Variants in LRRC7 observed in about 807,000 individuals in gnomAD.
LRRC7 encodes the protein leucine rich repeat containing 7, also known as leucine-rich repeat-containing protein 7.
A neutral mutation model predicts 175.7 loss-of-function variants in LRRC7; 23 were observed. The ratio of observed to expected loss-of-function variants is 0.13; its 90% CI spans 0.09 to 0.19. LRRC7 has a LOEUF of 0.19. LRRC7 is among the 10% of genes least tolerant of loss of function. The pLI is 1.00. For missense variants in LRRC7, 1,354 were observed against 1,904.7 expected, an observed-to-expected ratio of 0.71 and a Z score of 5.38; for synonymous variants, 685 against 680.9, an observed-to-expected ratio of 1.01 and a Z score of -0.09.
At chr1:70,079,551 A>T (rs1663061079) in intron 24 of LRRC7, among the ~76,000 whole-genome samples, 1 of 152,258 alleles carries the variant, frequency 6.6e-6, no homozygotes. Flanking sequence ...ACTTATTGAA[A>T]TACTACAGGT....
intron 11 of LRRC7, among the ~76,000 whole-genome samples, chr1:70,006,463 C>T (rs1433109405): frequency 6.7e-6 from 1 of 148,310 alleles, no homozygotes; most frequent in Non-Finnish European, 1.5e-5. Context: ...CAGAGCAAGA[C>T]TCAGTCTCAA....
intron 22 of LRRC7, among the ~76,000 whole-genome samples, chr1:70,052,657 C>A (rs972283120): frequency 2.6e-5 from 4 of 152,046 alleles, no homozygotes; most frequent in African/African-American, 9.7e-5. Flanking sequence ...GTTTCAATTT[C>A]TATTCTAAAT....
At chr1:69,655,506 C>T (rs1225818469) in intron 1 of LRRC7, among the ~76,000 whole-genome samples, 2 of 152,046 alleles carry the variant, frequency 1.3e-5, no homozygotes, top group African/African-American at 4.8e-5. Flanking sequence ...CAGAACCTGT[C>T]TTCTTTTTCC....
At chr1:69,588,698 C>A (rs951115227) in intron 1 of LRRC7, among the ~76,000 whole-genome samples, 12 of 151,980 alleles carry the variant, frequency 7.9e-5, no homozygotes, top group Admixed American at 6.6e-4. Flanking sequence ...TCATAAGAAT[C>A]AAATGAGATA....
chr1:69,728,666 C>G (rs1667238123), intron 2 of LRRC7, among the ~76,000 whole-genome samples: 1 of 152,102 alleles, frequency 6.6e-6, no homozygotes, highest in Admixed American at 6.6e-5. Flanking sequence ...GAAATTGGAT[C>G]AACTTTTCCT....
intron 7 of LRRC7, among the ~76,000 whole-genome samples, chr1:69,881,138 A>G (rs1464175965): frequency 6.6e-6 from 1 of 152,204 alleles, no homozygotes; most frequent in African/African-American, 2.4e-5. Context: ...GCTCTTTGAA[A>G]GCGGGACTAT....
chr1:69,726,979 A>T (rs1180833573), intron 2 of LRRC7, among the ~76,000 whole-genome samples: 4 of 152,136 alleles, frequency 2.6e-5, no homozygotes, highest in African/African-American at 9.7e-5. Flanking sequence ...TGTGTGCAGG[A>T]GAATTATTGG....
intron 4 of LRRC7, among the ~76,000 whole-genome samples, chr1:69,800,168 G>A (rs1297771059): frequency 6.6e-6 from 1 of 152,002 alleles, no homozygotes; most frequent in Non-Finnish European, 1.5e-5. Context: ...TTGGGGGTCA[G>A]GTAATTTGAT....
intron 3 of LRRC7, among the ~76,000 whole-genome samples, chr1:69,775,804 G>A (rs1490060411): frequency 6.6e-6 from 1 of 152,172 alleles, no homozygotes; most frequent in Non-Finnish European, 1.5e-5. Context: ...CATATTTACT[G>A]TATTCTGTTG....
intron 2 of LRRC7, among the ~76,000 whole-genome samples, chr1:69,722,263 CTAATTT>C (rs1206776426): frequency 2.0e-5 from 3 of 152,034 alleles, no homozygotes; most frequent in Non-Finnish European, 4.4e-5. Context: ...GAAAAACTTT[CTAATTT>C]TATTTTTTGA....
intron 8 of LRRC7, among the ~76,000 whole-genome samples, chr1:69,951,838 C>A (rs115803295): frequency 6.6e-6 from 1 of 151,824 alleles, no homozygotes; most frequent in Non-Finnish European, 1.5e-5. Flanking sequence ...TGTTGGGTAC[C>A]AGGCTGAATA....
chr1:69,761,952 T>G (rs1671084967), intron 3 of LRRC7, among the ~76,000 whole-genome samples: 1 of 151,936 alleles, frequency 6.6e-6, no homozygotes, highest in Admixed American at 6.6e-5. Context: ...GTGGCGGGTT[T>G]CTAGGTCAGG....
At chr1:69,707,987 C>A (rs1664258787) in intron 2 of LRRC7, among the ~76,000 whole-genome samples, 1 of 152,084 alleles carries the variant, frequency 6.6e-6, no homozygotes, top group South Asian at 2.1e-4. Context: ...CCTTGAGTAT[C>A]CTTTATATAC....
intron 7 of LRRC7, among the ~76,000 whole-genome samples, chr1:69,925,950 T>C (rs958104075): frequency 1.3e-5 from 2 of 149,860 alleles, no homozygotes; most frequent in African/African-American, 4.9e-5. Context: ...TGCTATAAAT[T>C]TCCCTCTACA....
chr1:69,781,913 G>GAAGA (rs760972258), intron 3 of LRRC7, among the ~76,000 whole-genome samples: 1,869 of 68,060 alleles, frequency 0.027, 58 homozygotes, highest in Middle Eastern at 0.031. Flanking sequence ...GAAAGAAAAA[G>GAAGA]AAGAAAGAAA....
intron 23 of LRRC7, among the ~76,000 whole-genome samples, chr1:70,058,407 C>A (rs1330287192): frequency 1.3e-5 from 2 of 152,160 alleles, no homozygotes; most frequent in African/African-American, 4.8e-5. Context: ...CCCAAAATTC[C>A]AGGCAGTATT....
Position 70,038,343 on chromosome 1 carries a change from C to T in LRRC7, c.2519C>T (p.Thr840Ile). 6.2e-7 allele frequency: 1 copy of T among 1,614,140 alleles called. No individual in the cohort carries two copies. The highest frequency in any genetic ancestry group is 8.5e-7 in the Non-Finnish European group (1 of 1,180,010). ...NPLLSSKSRS[T>I]SSHGRRPLIR... Reference sequence around the variant, plus strand: ...CTCTTAAGTTCGAAATCTAGAAGCACATCTTCGCATGGACGCAGGCCTTTG... The same window carrying T: ...CTCTTAAGTTCGAAATCTAGAAGCATATCTTCGCATGGACGCAGGCCTTTG... The change falls in exon 21 of 27, where the codon ACA becomes ATA. Residue 840 changes from threonine to isoleucine, a missense_variant. Thr to Ile is a moderately conservative substitution (Grantham distance 89). Transcript: ENST00000651989.
intron 9 of LRRC7, among the ~76,000 whole-genome samples, chr1:69,983,717 C>T (rs755725044): frequency 7.9e-5 from 12 of 152,174 alleles, no homozygotes; most frequent in Non-Finnish European, 1.8e-4. Context: ...CTTAAGACTT[C>T]ATCACAGCCC....
At chr1:69,746,148 T>C (rs1025896814) in intron 2 of LRRC7, among the ~76,000 whole-genome samples, 2 of 152,000 alleles carry the variant, frequency 1.3e-5, no homozygotes, top group African/African-American at 4.8e-5. Context: ...TTTACATCCA[T>C]GATGAATTTA....
Sources: allele counts gnomAD v4.1 joint callset (sites outside exome capture counted in the v4.1 genomes callset), GRCh38; gene constraint gnomAD v4.1.1; transcripts MANE v1.5; gene names NCBI Gene and HGNC (gene_info 2026-07-23, HGNC 2026-07-21).